COL13A1: variants seen among roughly 807,000 people sequenced by gnomAD.
The protein encoded by COL13A1 is collagen type XIII alpha 1 chain.
COL13A1 carries 89 observed loss-of-function variants against 130.9 expected under a neutral mutation model. The ratio of observed to expected loss-of-function variants is 0.68; its 90% CI spans 0.57 to 0.81. COL13A1 has a LOEUF of 0.81. COL13A1 is among the 30% of genes least tolerant of loss of function. COL13A1 has a pLI of 0.00. For missense variants in COL13A1, 879 were observed against 934.6 expected (o/e 0.94, Z 0.78); for synonymous variants, 402 against 341.6 (o/e 1.18, Z -1.95).
intron 31 of COL13A1, among the ~76,000 whole-genome samples, chr10:69,934,589 C>T (rs1379858068): frequency 6.6e-6 from 1 of 152,208 alleles, no homozygotes; most frequent in Non-Finnish European, 1.5e-5. Flanking sequence ...CTCAGAAGGA[C>T]CCAGCAGTGG....
At chr10:69,879,820 C>T (rs1336422248) in intron 6 of COL13A1, among the ~76,000 whole-genome samples, 1 of 152,206 alleles carries the variant, frequency 6.6e-6, no homozygotes, top group Non-Finnish European at 1.5e-5. Context: ...CTGCCTTCCT[C>T]TCAGAGCTGA....
chr10:69,812,836 CT>C (rs1280516703), intron 1 of COL13A1, among the ~76,000 whole-genome samples: 3 of 152,246 alleles, frequency 2.0e-5, no homozygotes, highest in African/African-American at 7.2e-5. Flanking sequence ...CTTTCAGCCT[CT>C]CCCCTGTGCC....
In COL13A1 at chr10:69,921,926, G is replaced by T; in HGVS notation, c.1134G>T (p.Leu378=). The T allele has an allele frequency of 6.2e-7, 1 of 1,605,378 alleles. No individual in the cohort carries two copies. Among genetic ancestry groups the T allele is most frequent in the Non-Finnish European group, 8.5e-7 (1 of 1,176,232 alleles). ...AEGSPGLPGL[L]GQKGEKGDAG... is the part of the protein sequence containing the mutation. ...GCTCCCCTGGGCTTCCTGGCCTCCT[G>T]GGGCAGAAGGTAGGTGTTGCTCTGA... The change falls in exon 22 of 41, where the codon CTG becomes CTT. Residue 378 remains leucine, a synonymous_variant. Transcript: ENST00000645393.
At chr10:69,945,292 G>T (rs2136172513) in intron 36 of COL13A1, among the ~76,000 whole-genome samples, 1 of 152,378 alleles carries the variant, frequency 6.6e-6, no homozygotes, top group Admixed American at 6.5e-5. Flanking sequence ...CCAGGAGGCT[G>T]CTCTGAGAGG....
chr10:69,926,963 C>A, intron 26 of COL13A1, 124 bp from the exon 27 acceptor site: 1 of 1,319,842 alleles, frequency 7.6e-7, no homozygotes, highest in Non-Finnish European at 1.1e-6. Flanking sequence ...CACCTGCAAG[C>A]GTCTCCCTCC....
intron 4 of COL13A1, among the ~76,000 whole-genome samples, chr10:69,874,662 C>A (rs2059407349): frequency 6.6e-6 from 1 of 152,192 alleles, no homozygotes; most frequent in Admixed American, 6.5e-5. Flanking sequence ...AGGAGCACTG[C>A]TCTCCAGCTC....
At chr10:69,891,417 G>C (rs995625050) in intron 10 of COL13A1, among the ~76,000 whole-genome samples, 1 of 152,194 alleles carries the variant, frequency 6.6e-6, no homozygotes, top group Non-Finnish European at 1.5e-5. Context: ...TCCTGAGGTA[G>C]GAAAATCCTT....
At chr10:69,856,756 G>A (rs143816224) in intron 2 of COL13A1, among the ~76,000 whole-genome samples, 1 of 152,190 alleles carries the variant, frequency 6.6e-6, no homozygotes, top group South Asian at 2.1e-4. Flanking sequence ...AGGGCCCAAG[G>A]TGAGGGGCTG....
chr10:69,875,670 G>T (rs2059503715), intron 5 of COL13A1, among the ~76,000 whole-genome samples: 2 of 152,270 alleles, frequency 1.3e-5, no homozygotes, highest in Non-Finnish European at 2.9e-5. Context: ...AGGAGGCTGA[G>T]AGTTAAAACA....
chr10:69,893,846 C>T (rs1369967064), intron 10 of COL13A1, among the ~76,000 whole-genome samples: 1 of 152,198 alleles, frequency 6.6e-6, no homozygotes, highest in Non-Finnish European at 1.5e-5. Context: ...CAGGGTGGAT[C>T]CTCAGCCCAT....
chr10:69,950,700 A>C (rs1036526702), intron 38 of COL13A1, among the ~76,000 whole-genome samples: 5 of 152,260 alleles, frequency 3.3e-5, no homozygotes, highest in Non-Finnish European at 5.9e-5. Flanking sequence ...ATGTGCATAC[A>C]TATTTAAACG....
intron 35 of COL13A1, among the ~76,000 whole-genome samples, chr10:69,943,049 T>C (rs2067889124): frequency 6.6e-6 from 1 of 152,194 alleles, no homozygotes. Context: ...GGTTTCGCCA[T>C]GTTGGCCAGA....
chr10:69,934,406 G>A (rs1489106101), intron 31 of COL13A1, among the ~76,000 whole-genome samples: 2 of 152,184 alleles, frequency 1.3e-5, no homozygotes, highest in African/African-American at 2.4e-5. Context: ...GTGATGGAGC[G>A]ACAAAGTCCA....
intron 13 of COL13A1, chr10:69,897,650 A>G: frequency 8.8e-7 from 1 of 1,130,702 alleles, no homozygotes; most frequent in South Asian, 1.5e-5. Context: ...TCTGTGTGCC[A>G]CTGCTGTCCA....
At chr10:69,875,096 C>T (rs745344675) in intron 4 of COL13A1, 32 bp from the exon 5 acceptor site, 26 of 1,613,844 alleles carry the variant, frequency 1.6e-5, no homozygotes, top group Middle Eastern at 3.3e-4. Flanking sequence ...GTTCCAACCA[C>T]ATCTGACTGT....
At chr10:69,830,741 G>A (rs934475259) in intron 2 of COL13A1, among the ~76,000 whole-genome samples, 2 of 152,144 alleles carry the variant, frequency 1.3e-5, no homozygotes, top group Non-Finnish European at 2.9e-5. Context: ...ACTTTATTGC[G>A]ATGTAATTCC....
chr10:69,905,999 G>C (rs994384316), intron 17 of COL13A1, among the ~76,000 whole-genome samples, 177 bp downstream of exon 17: 1 of 152,226 alleles, frequency 6.6e-6, no homozygotes, highest in South Asian at 2.1e-4. Flanking sequence ...AAATTACTGG[G>C]ATCCACCTAG....
chr10:69,871,270 G>A (rs548695393), intron 3 of COL13A1, among the ~76,000 whole-genome samples: 156 of 152,248 alleles, frequency 1.0e-3, no homozygotes, highest in African/African-American at 3.7e-3. Flanking sequence ...CCAGGTTCCT[G>A]GTATCCGCAG....
intron 2 of COL13A1, among the ~76,000 whole-genome samples, chr10:69,863,399 T>G (rs1356149761): frequency 6.6e-6 from 1 of 152,014 alleles, no homozygotes; most frequent in Non-Finnish European, 1.5e-5. Context: ...CTGGCAGAGA[T>G]GGGTGGGTCG....
Sources: allele counts gnomAD v4.1 joint callset (sites outside exome capture counted in the v4.1 genomes callset), GRCh38; gene constraint gnomAD v4.1.1; transcripts MANE v1.5; gene names NCBI Gene and HGNC (gene_info 2026-07-23, HGNC 2026-07-21).